JMJD1C: variants seen among roughly 807,000 people sequenced by gnomAD.
The protein encoded by JMJD1C is jumonji domain-containing protein 1C.
A neutral mutation model predicts 245.3 loss-of-function variants in JMJD1C; 31 were observed. The ratio of observed to expected loss-of-function variants is 0.13; its 90% CI spans 0.09 to 0.17. The LOEUF (loss-of-function observed/expected upper bound fraction) is 0.17. Among genes scored for constraint, JMJD1C ranks in the 10% least tolerant of loss-of-function variants. JMJD1C has a pLI of 1.00. For missense variants in JMJD1C, 2,691 were observed against 3,000.2 expected, an observed-to-expected ratio of 0.90 and a Z score of 2.41; for synonymous variants, 1,057 against 1,017.4, an observed-to-expected ratio of 1.04 and a Z score of -0.74.
chr10:63,269,965 A>G (rs939853134), intron 2 of JMJD1C, among the ~76,000 whole-genome samples: 3 of 152,216 alleles, frequency 2.0e-5, no homozygotes, highest in African/African-American at 7.2e-5. Flanking sequence ...TGATGTACAA[A>G]ATACACATTG....
chr10:63,458,573 A>G (rs182535337), intron 1 of JMJD1C, among the ~76,000 whole-genome samples: 38 of 152,220 alleles, frequency 2.5e-4, no homozygotes, highest in African/African-American at 7.7e-4. Context: ...CTCCTAACAA[A>G]TAAAATTAGC....
intron 2 of JMJD1C, among the ~76,000 whole-genome samples, chr10:63,323,020 T>C (rs1168424863): frequency 2.0e-5 from 3 of 151,968 alleles, no homozygotes; most frequent in East Asian, 1.9e-4. Flanking sequence ...CATAGATCTA[T>C]ATATGAAAAT....
intron 8 of JMJD1C, among the ~76,000 whole-genome samples, chr10:63,210,052 A>G (rs1847138297): frequency 6.6e-6 from 1 of 152,228 alleles, no homozygotes; most frequent in Non-Finnish European, 1.5e-5. Context: ...TTCTCAAAAT[A>G]ATGCAAAAGC....
chr10:63,373,724 A>T (rs1215285041), intron 2 of JMJD1C, among the ~76,000 whole-genome samples: 1 of 152,194 alleles, frequency 6.6e-6, no homozygotes, highest in Non-Finnish European at 1.5e-5. Context: ...GCCATCTCAT[A>T]TACAGATCCC....
chr10:63,340,243 A>T (rs1014858827), intron 2 of JMJD1C, among the ~76,000 whole-genome samples: 5 of 152,178 alleles, frequency 3.3e-5, no homozygotes, highest in Non-Finnish European at 4.4e-5. Flanking sequence ...GAGGGAAAAA[A>T]AGACCCTCTC....
In JMJD1C at chr10:63,245,478, C is replaced by CT. The variant is rs71025134; in HGVS notation, c.447+19172dup. ...GAGAGGGAGCTTCTGCAGGGGAACT[C>CT]TTTTTTTTTTTTTTTTTTTTTGAGA... On this transcript the variant is annotated intron_variant, in intron 3 of 25. Coordinates refer to ENST00000399262, the MANE Select transcript of JMJD1C (RefSeq NM_032776.3). Among the ~76,000 whole-genome samples, 800 of 90,158 alleles carry CT rather than the reference C, an allele frequency of 8.9e-3. 40 individuals carry two copies. In the East Asian group the frequency reaches 0.097, roughly 11 times the overall value. The allele number at this position is 90,158 out of a possible 152,430, so 59.1% of individuals were successfully genotyped here. A position where few individuals can be genotyped will look rare whatever the true frequency, so the allele number is the denominator to read the frequency against.
intron 1 of JMJD1C, among the ~76,000 whole-genome samples, chr10:63,407,413 C>T (rs1421851845): frequency 6.6e-6 from 1 of 152,038 alleles, no homozygotes; most frequent in Non-Finnish European, 1.5e-5. Flanking sequence ...ACTCTGAAAG[C>T]CAGATAAAGC....
chr10:63,505,383 C>T (rs554219937), intron 1 of JMJD1C, among the ~76,000 whole-genome samples: 13 of 150,732 alleles, frequency 8.6e-5, no homozygotes, highest in Non-Finnish European at 1.8e-4. Context: ...TCCTTAGAAC[C>T]AGACATAAAA....
chr10:63,465,909 C>CA lies in JMJD1C; in HGVS notation c.-248dup, dbSNP rs1564951944. On this transcript the variant is annotated 5_prime_UTR_variant, in exon 1 of 26. Transcript: ENST00000399262. The stretch of plus-strand genomic sequence containing the variant: ...GCAGCGCCACACAAGAAAACTGAAA[C>CA]AAAACCCAACGCGGCCGTCGAAGAC... The CA allele has an allele frequency of 3.1e-6, 2 of 635,022 alleles. No individual in the cohort carries two copies. Among genetic ancestry groups the CA allele is most frequent in the Non-Finnish European group, 5.7e-6 (2 of 348,204 alleles). The allele number at this position is 635,022 out of a possible 1,614,324, so 39.3% of individuals were successfully genotyped here. A position where few individuals can be genotyped will look rare whatever the true frequency, so the allele number is the denominator to read the frequency against.
intron 2 of JMJD1C, among the ~76,000 whole-genome samples, chr10:63,288,889 C>CAAT (rs61651313): frequency 0.039 from 5,495 of 139,546 alleles, 130 homozygotes; most frequent in South Asian, 0.069. Flanking sequence ...AATAATAATA[C>CAAT]AATAATAATA....
In JMJD1C at chr10:63,214,105, G is replaced by T; in HGVS notation, c.2062C>A (p.Pro688Thr). 6.2e-7 allele frequency: 1 copy of T among 1,614,166 alleles called. No individual in the cohort carries two copies. The highest frequency in any genetic ancestry group is 8.5e-7 in the Non-Finnish European group (1 of 1,180,008). ...EHELSRCSFH[P>T]IPTRSSTLET... is the part of the protein sequence containing the mutation. ...AATGTACTGCTTCGAGTAGGAATTG[G>T]ATGAAAACTGCATCTTGATAGCTCA... The change falls in exon 8 of 26, where the codon CCA becomes ACA. Residue 688 changes from proline to threonine, a missense_variant. Pro to Thr is a conservative substitution (Grantham distance 38). Coordinates refer to ENST00000399262, the MANE Select transcript of JMJD1C (RefSeq NM_032776.3).
rs1303196866 is a variant in JMJD1C, at chr10:63,465,838, T to A, written c.-176A>T. 1 of 741,652 alleles carries A rather than the reference T, an allele frequency of 1.3e-6. No individual in the cohort carries two copies. Among genetic ancestry groups the A allele is most frequent in the Non-Finnish European group, 2.4e-6 (1 of 422,444 alleles). The allele number at this position is 741,652 out of a possible 1,614,324, so 45.9% of individuals were successfully genotyped here. A position where few individuals can be genotyped will look rare whatever the true frequency, so the allele number is the denominator to read the frequency against. On this transcript the variant is annotated 5_prime_UTR_variant, in exon 1 of 26. Coordinates refer to ENST00000399262, the MANE Select transcript of JMJD1C (RefSeq NM_032776.3). ...CCCCGGACACAGCGACCTCGGGCCC[T>A]CCCCGCAAACACTCCTTTGGACTCC...
At chr10:63,462,403 G>A (rs1012766060) in intron 1 of JMJD1C, among the ~76,000 whole-genome samples, 2 of 152,082 alleles carry the variant, frequency 1.3e-5, no homozygotes, top group Admixed American at 1.3e-4. Flanking sequence ...TATTGTACAA[G>A]AAATATGTTT....
chr10:63,252,259 CTTG>C (rs1853194033), intron 3 of JMJD1C, among the ~76,000 whole-genome samples: 2 of 152,162 alleles, frequency 1.3e-5, no homozygotes, highest in East Asian at 3.8e-4. Context: ...TAAGTGTCAA[CTTG>C]ACTAGGAAAT....
At chr10:63,178,840 C>T (rs1053199768) in intron 22 of JMJD1C, among the ~76,000 whole-genome samples, 12 of 152,152 alleles carry the variant, frequency 7.9e-5, no homozygotes, top group African/African-American at 2.9e-4. Context: ...TGTAGGACCA[C>T]AGGAAGGTCC....
intron 1 of JMJD1C, among the ~76,000 whole-genome samples, chr10:63,501,158 G>A (rs925430587): frequency 7.9e-5 from 12 of 152,040 alleles, no homozygotes; most frequent in African/African-American, 4.8e-5. Flanking sequence ...AGCTGAATCA[G>A]GACACATGAA....
chr10:63,521,836 G>A (rs1589851729), exon 1 of JMJD1C: 1 of 80,556 alleles, frequency 1.2e-5, no homozygotes, highest in African/African-American at 1.6e-4. Context: ...CTGCTCGGCT[G>A]CGTGCGGTGC....
intron 1 of JMJD1C, among the ~76,000 whole-genome samples, chr10:63,390,183 A>C (rs1947941844): frequency 6.6e-6 from 1 of 152,180 alleles, no homozygotes; most frequent in Non-Finnish European, 1.5e-5. Flanking sequence ...CAAAATCAGA[A>C]ACGAAAAAAG....
chr10:63,213,036 A>C (rs1277118588), intron 8 of JMJD1C, among the ~76,000 whole-genome samples: 1 of 151,124 alleles, frequency 6.6e-6, no homozygotes, highest in Non-Finnish European at 1.5e-5. Context: ...AAATACAAAA[A>C]TCTGCCAGGC....
Sources: gnomAD v4.1 joint callset for allele counts (sites outside exome capture counted in the v4.1 genomes callset) on GRCh38, gnomAD v4.1.1 for gene constraint, MANE v1.5 for transcripts, NCBI Gene and HGNC (gene_info 2026-07-23, HGNC 2026-07-21) for gene names.